Variants in WWOX observed in about 807,000 individuals in gnomAD.
WWOX encodes WW domain-containing oxidoreductase.
A neutral mutation model predicts 46.2 loss-of-function variants in WWOX; 69 were observed. The ratio of observed to expected loss-of-function variants is 1.49; its 90% CI spans 1.23 to 1.82. The LOEUF is 1.82. WWOX is among the 40% of genes most tolerant of loss of function. WWOX has a pLI of 0.00. For missense variants in WWOX, 919 were observed against 542.6 expected, an observed-to-expected ratio of 1.69 and a Z score of -6.89; for synonymous variants, 359 against 202.6, an observed-to-expected ratio of 1.77 and a Z score of -6.56.
chr16:78,809,312 GAA>G (rs371661365), intron 8 of WWOX, among the ~76,000 whole-genome samples: 21 of 73,856 alleles, frequency 2.8e-4, no homozygotes, highest in African/African-American at 7.4e-4. Context: ...TAGAGATCTT[GAA>G]AAAAAAAAAA....
chr16:78,655,409 A>C (rs2047058362), intron 8 of WWOX, among the ~76,000 whole-genome samples: 4 of 152,228 alleles, frequency 2.6e-5, no homozygotes, highest in Non-Finnish European at 5.9e-5. Context: ...TTAAACAAGT[A>C]ATTAGATCCA....
At chr16:79,171,946 C>A (rs16949762) in intron 8 of WWOX, among the ~76,000 whole-genome samples, 2,811 of 152,232 alleles carry the variant, frequency 0.018, 44 homozygotes, top group East Asian at 0.04. Flanking sequence ...TTTCGATATA[C>A]GCATAAGCTT....
intron 8 of WWOX, among the ~76,000 whole-genome samples, chr16:78,915,044 T>C (rs546483731): frequency 6.6e-6 from 1 of 152,250 alleles, no homozygotes; most frequent in South Asian, 2.1e-4. Flanking sequence ...CTTAGCCTGA[T>C]CCACAAGTTC....
At chr16:78,823,811 C>T (rs2051572582) in intron 8 of WWOX, among the ~76,000 whole-genome samples, 2 of 149,816 alleles carry the variant, frequency 1.3e-5, no homozygotes, top group Admixed American at 1.3e-4. Context: ...GAATCTTGTT[C>T]TGTCTCCGAG....
Position 78,331,467 on chromosome 16 carries a change from A to G in WWOX, c.517-55393A>G, listed in dbSNP as rs150400060. Among the ~76,000 whole-genome samples the G allele has an allele frequency of 1.4e-3, 220 of 152,312 alleles. 1 individual carries two copies. Among genetic ancestry groups the G allele is most frequent in the African/African-American group, 5.0e-3 (207 of 41,558 alleles). On this transcript the variant is annotated intron_variant, in intron 5 of 8. Coordinates refer to ENST00000566780, the MANE Select transcript of WWOX (RefSeq NM_016373.4). Reference sequence around the variant, plus strand: ...ATTTTCCAGTTTATATGTAGGTGAGATTCTTTGGAGACCGTCTTCGTAATA... The same window carrying G: ...ATTTTCCAGTTTATATGTAGGTGAGGTTCTTTGGAGACCGTCTTCGTAATA...
chr16:78,998,995 G>A (rs1262947118), intron 8 of WWOX, among the ~76,000 whole-genome samples: 1 of 152,180 alleles, frequency 6.6e-6, no homozygotes, highest in Admixed American at 6.5e-5. Context: ...ATGTAACAGC[G>A]GAATATTCCA....
intron 7 of WWOX, among the ~76,000 whole-genome samples, chr16:78,431,997 T>A (rs112487416): frequency 0.015 from 2,235 of 152,328 alleles, 62 homozygotes; most frequent in African/African-American, 0.051. Context: ...ATTAGAGGCA[T>A]GAGCCACCAG....
In WWOX at chr16:78,708,925, AAAG is replaced by A. The variant is rs1339483680; in HGVS notation, c.1056+276177_1056+276179del. 5.3e-5 allele frequency among the ~76,000 whole-genome samples: 8 copies of A among 152,318 alleles called. No homozygotes were observed. The East Asian group carries it at 5.8e-4, about 11-fold the overall frequency. On this transcript the variant is annotated intron_variant, in intron 8 of 8. Transcript: ENST00000566780. ...TTTCAAGAGTAAGTCAGAAAAATAA[AAAG>A]AAGGCAGGGAAAGAGTTCAAAACTC...
At chr16:78,682,821 G>A (rs2047761547) in intron 8 of WWOX, among the ~76,000 whole-genome samples, 1 of 152,218 alleles carries the variant, frequency 6.6e-6, no homozygotes, top group Non-Finnish European at 1.5e-5. Flanking sequence ...ATGGGACAAA[G>A]GATAATGCCT....
At chr16:79,104,049 G>GC (rs1310600641) in intron 8 of WWOX, among the ~76,000 whole-genome samples, 1 of 102,940 alleles carries the variant, frequency 9.7e-6, no homozygotes, top group African/African-American at 3.7e-5. Flanking sequence ...GGGGGGGGGG[G>GC]GCGGGTGGTG....
chr16:79,105,115 G>T (rs1345319970), intron 8 of WWOX, among the ~76,000 whole-genome samples: 1 of 152,140 alleles, frequency 6.6e-6, no homozygotes, highest in East Asian at 1.9e-4. Flanking sequence ...ACCTGCTGGG[G>T]GTCTTTGGGT....
intron 8 of WWOX, among the ~76,000 whole-genome samples, chr16:78,441,953 C>T (rs192459590): frequency 1.6e-3 from 230 of 143,110 alleles, no homozygotes; most frequent in African/African-American, 6.2e-3. Context: ...TTCATATATG[C>T]GCATGAGTGT....
chr16:78,923,975 T>C (rs1206600224), intron 8 of WWOX, among the ~76,000 whole-genome samples: 4 of 151,714 alleles, frequency 2.6e-5, no homozygotes, highest in Non-Finnish European at 5.9e-5. Context: ...AATTTTTTGT[T>C]TTATTTTGTT....
intron 8 of WWOX, among the ~76,000 whole-genome samples, chr16:78,484,336 T>C (rs1017084971): frequency 6.6e-6 from 1 of 152,352 alleles, no homozygotes; most frequent in Non-Finnish European, 1.5e-5. Flanking sequence ...TCACAGATTT[T>C]TTTTTCCAAG....
At chr16:78,677,103 G>T (rs570091310) in intron 8 of WWOX, among the ~76,000 whole-genome samples, 19 of 149,818 alleles carry the variant, frequency 1.3e-4, no homozygotes, top group Non-Finnish European at 2.4e-4. Context: ...TCAAATTCTC[G>T]TAGGCATTAT....
intron 8 of WWOX, among the ~76,000 whole-genome samples, chr16:78,616,632 G>C (rs543162596): frequency 1.3e-5 from 2 of 151,862 alleles, no homozygotes; most frequent in Non-Finnish European, 2.9e-5. Context: ...AGCCAGGCTC[G>C]GTGGCTTGTG....
chr16:79,116,466 A>G (rs1293394766), intron 8 of WWOX, among the ~76,000 whole-genome samples: 2 of 152,222 alleles, frequency 1.3e-5, no homozygotes, highest in Non-Finnish European at 2.9e-5. Context: ...TGTTCATGAC[A>G]ATGTTCAGTG....
At chr16:78,231,475 C>T (rs944955504) in intron 5 of WWOX, among the ~76,000 whole-genome samples, 3 of 152,168 alleles carry the variant, frequency 2.0e-5, no homozygotes, top group African/African-American at 7.2e-5. Flanking sequence ...AAATAGTCAG[C>T]CTGAGTGTTG....
intron 5 of WWOX, among the ~76,000 whole-genome samples, chr16:78,324,224 C>G (rs554045237): frequency 6.6e-6 from 1 of 152,162 alleles, no homozygotes; most frequent in African/African-American, 2.4e-5. Context: ...GTGGTGGCTT[C>G]TTGTTTCCCT....
Sources: gnomAD v4.1 joint callset for allele counts (sites outside exome capture counted in the v4.1 genomes callset) on GRCh38, gnomAD v4.1.1 for gene constraint, MANE v1.5 for transcripts, NCBI Gene and HGNC (gene_info 2026-07-23, HGNC 2026-07-21) for gene names.